Variants in OPA1 observed in about 807,000 individuals in gnomAD.
OPA1 encodes OPA1 mitochondrial dynamin like GTPase, also known as dynamin-like GTPase OPA1, mitochondrial.
OPA1 carries 59 observed loss-of-function variants against 152.9 expected under a neutral mutation model. That is an observed-to-expected ratio of 0.39 (90% CI 0.31 to 0.48). The LOEUF (loss-of-function observed/expected upper bound fraction) is 0.48, where lower values mean the gene tolerates loss of function less well. Ranked by LOEUF, OPA1 falls within the 20% of genes least tolerant of loss-of-function variation. OPA1 has a pLI of 0.96. For missense variants in OPA1, 1,008 were observed against 1,216.8 expected (o/e 0.83, Z 2.55); for synonymous variants, 400 against 389.9 (o/e 1.03, Z -0.31).
intron 1 of OPA1, among the ~76,000 whole-genome samples, chr3:193,605,624 G>A (rs1577128829): frequency 6.6e-6 from 1 of 152,176 alleles, no homozygotes; most frequent in Non-Finnish European, 1.5e-5. Context: ...ATTTCTGCCT[G>A]TAGACAGCAT....
In OPA1 at chr3:193,606,719, A is replaced by G. The variant is rs928778484; in HGVS notation, c.33-8004A>G. Among the ~76,000 whole-genome samples, 8 of 152,336 alleles carry G rather than the reference A, an allele frequency of 5.3e-5. No individual in the cohort carries two copies. The South Asian group carries it at 1.0e-3, about 20-fold the overall frequency. On this transcript the variant is annotated intron_variant, in intron 1 of 30. Coordinates refer to ENST00000361510, the MANE Select transcript of OPA1 (RefSeq NM_130837.3). ...CTTTGCTATTGTGAATAGTGCTGCA[A>G]TAAACATACGTGTGCATGTGTCTTT...
intron 29 of OPA1, among the ~76,000 whole-genome samples, chr3:193,671,227 G>A (rs891827835): frequency 6.6e-6 from 1 of 152,180 alleles, no homozygotes; most frequent in Non-Finnish European, 1.5e-5. Flanking sequence ...AGTGGTCAGA[G>A]TTAATATTAT....
intron 1 of OPA1, among the ~76,000 whole-genome samples, chr3:193,605,980 C>A (rs538773690): frequency 1.3e-5 from 2 of 152,160 alleles, no homozygotes; most frequent in Non-Finnish European, 2.9e-5. Context: ...ACCTCTGTTT[C>A]CCCATGTTCC....
chr3:193,692,400 T>C (rs758363271), intron 30 of OPA1, among the ~76,000 whole-genome samples: 1 of 152,358 alleles, frequency 6.6e-6, no homozygotes, highest in Non-Finnish European at 1.5e-5. Context: ...TTGTATAATA[T>C]GCAGGTGACT....
At position 193,643,373 on chromosome 3, in the gene OPA1, A is replaced by G; in HGVS notation, c.1306A>G (p.Thr436Ala). The part of the protein sequence containing the change: ...VKEGCTVSPE[T>A]ISLNVKGPGL... ...TTTTATTTTTATTTTTCCTGAGTAG[A>G]CCATATCCTTAAATGTAAAAGGCCC... Residue 436 changes from threonine (T) to alanine (A), a missense_variant and splice_region_variant, in exon 14 of 31, where the codon ACC (threonine) becomes GCC (alanine). Thr to Ala is a moderately conservative substitution (Grantham distance 58, BLOSUM62 0). Transcript: ENST00000361510. The G allele has an allele frequency of 1.2e-6, 2 of 1,605,260 alleles. No homozygotes were observed. Among genetic ancestry groups the G allele is most frequent in the Non-Finnish European group, 1.7e-6 (2 of 1,172,050 alleles).
intron 1 of OPA1, among the ~76,000 whole-genome samples, chr3:193,606,439 C>A: frequency 6.7e-6 from 1 of 149,460 alleles, no homozygotes. Flanking sequence ...ACAACAGGCC[C>A]CAGTGTGTGA....
In OPA1 at chr3:193,642,854, A is replaced by G. The variant is rs1274592661; in HGVS notation, c.1230+9A>G. ...TTACCAAAGAAGAAGATGTAAGTAA[A>G]ATTCATCTAAGGTTGATATGTGTAA... On this transcript the variant is annotated intron_variant, in intron 12 of 30. Coordinates refer to ENST00000361510, the MANE Select transcript of OPA1 (RefSeq NM_130837.3). 2.5e-6 allele frequency: 4 copies of G among 1,598,836 alleles called. No individual in the cohort carries two copies. The East Asian group carries it at 6.7e-5, about 27-fold the overall frequency.
intron 5 of OPA1, 181 bp from the exon 6 acceptor site, chr3:193,618,688 T>G (rs1729475918): frequency 3.4e-6 from 2 of 581,898 alleles, no homozygotes. Flanking sequence ...AGTTTTTTTT[T>G]TATTTTCTGC....
chr3:193,688,692 G>C (rs1161507786), intron 29 of OPA1, among the ~76,000 whole-genome samples: 2 of 152,008 alleles, frequency 1.3e-5, no homozygotes, highest in Admixed American at 1.3e-4. Flanking sequence ...TTAACATACA[G>C]TAGCAGACTG....
At chr3:193,650,813 T>G (rs1309924791) in intron 21 of OPA1, among the ~76,000 whole-genome samples, 1 of 152,172 alleles carries the variant, frequency 6.6e-6, no homozygotes, top group East Asian at 1.9e-4. Flanking sequence ...TATTGATATA[T>G]CATTAACATC....
At chr3:193,649,952 A>G (rs1711982194) in intron 21 of OPA1, among the ~76,000 whole-genome samples, 1 of 152,230 alleles carries the variant, frequency 6.6e-6, no homozygotes, top group African/African-American at 2.4e-5. Flanking sequence ...CAGATTGAGT[A>G]TAATACTAGT....
At chr3:193,599,596 T>A (rs1577114198) in intron 1 of OPA1, among the ~76,000 whole-genome samples, 1 of 152,130 alleles carries the variant, frequency 6.6e-6, no homozygotes, top group Non-Finnish European at 1.5e-5. Context: ...TATTTCTGCA[T>A]CTGCTGCTTC....
intron 1 of OPA1, among the ~76,000 whole-genome samples, chr3:193,603,306 T>G (rs1332185672): frequency 6.6e-6 from 1 of 152,250 alleles, no homozygotes; most frequent in South Asian, 2.1e-4. Context: ...TGCGTTGCAC[T>G]GTTTATTAAA....
At chr3:193,673,572 A>C (rs1423281871) in intron 29 of OPA1, among the ~76,000 whole-genome samples, 1 of 152,230 alleles carries the variant, frequency 6.6e-6, no homozygotes, top group Non-Finnish European at 1.5e-5. Context: ...GTTCCTACTT[A>C]GAATCCTAAA....
intron 11 of OPA1, among the ~76,000 whole-genome samples, chr3:193,639,659 A>G (rs1733460871): frequency 6.6e-6 from 1 of 152,224 alleles, no homozygotes; most frequent in Non-Finnish European, 1.5e-5. Context: ...GCCATTGTAC[A>G]GACTTCCGTT....
intron 29 of OPA1, among the ~76,000 whole-genome samples, chr3:193,668,164 A>G (rs1308457985): frequency 6.6e-6 from 1 of 152,242 alleles, no homozygotes; most frequent in East Asian, 1.9e-4. Context: ...CAGCATTACA[A>G]GGTTTGTTCT....
chr3:193,611,317 G>A (rs1728200344), intron 1 of OPA1, among the ~76,000 whole-genome samples: 1 of 152,154 alleles, frequency 6.6e-6, no homozygotes, highest in Non-Finnish European at 1.5e-5. Flanking sequence ...TGCTTAGCTA[G>A]GTTGGGCACG....
rs369233231 is a variant in OPA1 at position 193,614,979 on chromosome 3, C to G, written c.289C>G (p.Leu97Val). 3 of 1,614,060 alleles carry G rather than the reference C, an allele frequency of 1.9e-6. No homozygotes were observed. The African/African-American group carries it at 4.0e-5, about 22-fold the overall frequency. Residue 97 changes from leucine (L) to valine (V), a missense_variant, in exon 2 of 31, where the codon CTC becomes GTC. Physicochemically the swap from Leu to Val is conservative, Grantham distance 32. Transcript: ENST00000361510. Reference sequence around the variant, plus strand: ...TTGGCCAGCAAGATTAGCTACGAGACTCTTAAAACTTCGCTATCTCATACT... The same window carrying G: ...TTGGCCAGCAAGATTAGCTACGAGAGTCTTAAAACTTCGCTATCTCATACT... ...NFWPARLATRLLKLRYLILGS... is the reference protein window; with the variant it reads ...NFWPARLATRVLKLRYLILGS...
At chr3:193,666,188 C>A in intron 27 of OPA1, 108 bp from the exon 28 acceptor site, 1 of 919,952 alleles carries the variant, frequency 1.1e-6, no homozygotes, top group East Asian at 2.5e-5. Context: ...AATCTGAGTA[C>A]TTTTTAAGCT....
Sources: gnomAD v4.1 joint callset for allele counts (sites outside exome capture counted in the v4.1 genomes callset) on GRCh38, gnomAD v4.1.1 for gene constraint, MANE v1.5 for transcripts, NCBI Gene and HGNC (gene_info 2026-07-23, HGNC 2026-07-21) for gene names.